CNDP2: variants seen among roughly 807,000 people sequenced by gnomAD.
CNDP2 encodes cytosolic non-specific dipeptidase.
In CNDP2, 38 loss-of-function variants were observed where a neutral mutation model predicts 55.0. The observed-to-expected ratio is 0.69, with a 90% CI of 0.53 to 0.90. CNDP2 has a LOEUF of 0.90. CNDP2 is among the 40% of genes least tolerant of loss of function. The probability of loss-of-function intolerance (pLI) is 0.00; values close to 1 mark genes in which losing one functional copy is unlikely to be tolerated. For missense variants in CNDP2, 607 were observed against 621.7 expected, an observed-to-expected ratio of 0.98 and a Z score of 0.25; for synonymous variants, 241 against 260.2, an observed-to-expected ratio of 0.93 and a Z score of 0.71.
At position 74,512,938 on chromosome 18, in the gene CNDP2, T is replaced by A. The variant is rs534259343; in HGVS notation, c.742+406T>A. 3.9e-5 allele frequency among the ~76,000 whole-genome samples: 6 copies of A among 152,302 alleles called. No homozygotes were observed. The South Asian group carries it at 1.0e-3, about 26-fold the overall frequency. The stretch of plus-strand genomic sequence containing the variant: ...ATCCAGGTCCCCCCGCCTGATCAGC[T>A]CTTTGAGAGCGGGCATAGCCCATCG... On this transcript the variant is annotated intron_variant, in intron 7 of 11. Coordinates refer to ENST00000324262, the MANE Select transcript of CNDP2 (RefSeq NM_018235.3).
chr18:74,515,949 G>C (rs1447763965), intron 8 of CNDP2, among the ~76,000 whole-genome samples: 1 of 152,178 alleles, frequency 6.6e-6, no homozygotes, highest in Non-Finnish European at 1.5e-5. Context: ...AGCGTGGCTC[G>C]CCTAGTTCTG....
chr18:74,508,734 C>G, intron 4 of CNDP2, 106 bp from the exon 5 acceptor site: 1 of 821,820 alleles, frequency 1.2e-6, no homozygotes, highest in Non-Finnish European at 2.1e-6. Flanking sequence ...GGGGAAGCCT[C>G]TCTCGTGTTT....
Position 74,517,363 on chromosome 18 carries a change from G to T in CNDP2, c.1068+971G>T, listed in dbSNP as rs548936094. ...GGTTTGGCTGGGCTGCTCTGAGAGA[G>T]CGGCTCAGCCCGCAGCTCATCTGCA... is the stretch of plus-strand genomic sequence containing the variant. On this transcript the variant is annotated intron_variant, in intron 9 of 11. Transcript: ENST00000324262. 1.1e-4 allele frequency: 16 copies of T among 152,316 alleles called. No individual in the cohort carries two copies. In the East Asian group the frequency reaches 3.1e-3, roughly 30 times the overall value. 9.4% of individuals were successfully genotyped at this position (152,316 alleles called of 1,614,324 possible). A position where few individuals can be genotyped will look rare whatever the true frequency, so the allele number is the denominator to read the frequency against.
rs764351246 is a variant in CNDP2, at chr18:74,516,282, G to A, written c.958G>A (p.Glu320Lys). 21 of 1,613,946 alleles carry A rather than the reference G, an allele frequency of 1.3e-5. 1 individual carries two copies. Among genetic ancestry groups the A allele is most frequent in the South Asian group, 1.1e-4 (10 of 91,078 alleles). Reference sequence around the variant, plus strand: ...CCCGTCTCTGTCCCTCCATGGCATCGAAGGCGCCTTCTCTGGGTCTGGGGC... The same window carrying A: ...CCCGTCTCTGTCCCTCCATGGCATCAAAGGCGCCTTCTCTGGGTCTGGGGC... ...RYPSLSLHGI[E>K]GAFSGSGAKT... The change falls in exon 9 of 12, where the codon GAA becomes AAA. Residue 320 changes from glutamate to lysine, a missense_variant. By Grantham distance (56) the Glu-to-Lys change is moderately conservative. Transcript: ENST00000324262.
Position 74,499,892 on chromosome 18 carries a change from A to T in CNDP2, c.-82A>T. On this transcript the variant is annotated 5_prime_UTR_variant, in exon 2 of 12. Coordinates refer to ENST00000324262, the MANE Select transcript of CNDP2 (RefSeq NM_018235.3). ...GTGCTTTCTGGGCAGGTCGCCCCTC[A>T]GTCTCCACTAGAGACAGGACTGACC... is the stretch of plus-strand genomic sequence containing the variant. 1 of 1,265,574 alleles carries T rather than the reference A, an allele frequency of 7.9e-7. No homozygotes were observed. Among genetic ancestry groups the T allele is most frequent in the Non-Finnish European group, 1.1e-6 (1 of 883,772 alleles). 78.4% of individuals were successfully genotyped at this position (1,265,574 alleles called of 1,614,324 possible).
At position 74,516,867 on chromosome 18, in the gene CNDP2, C is replaced by A. The variant is rs562295981; in HGVS notation, c.1068+475C>A. The A allele has an allele frequency of 1.1e-4, 17 of 157,908 alleles. No individual in the cohort carries two copies. The South Asian group carries it at 3.2e-3, about 30-fold the overall frequency. The allele number at this position is 157,908 out of a possible 1,614,324, so 9.8% of individuals were successfully genotyped here. On this transcript the variant is annotated intron_variant, in intron 9 of 11. Coordinates refer to ENST00000324262, the MANE Select transcript of CNDP2 (RefSeq NM_018235.3). ...CTGAGGTCTTGTCACGAGGAGGTGT[C>A]CCCGGGTCAGCGCCTGGCTCTATCC...
chr18:74,504,046 T>G (rs7234543), intron 3 of CNDP2, among the ~76,000 whole-genome samples: 726 of 29,118 alleles, frequency 0.025, no homozygotes, highest in Admixed American at 0.034. Context: ...GGACAAATGA[T>G]GGGCGTCAGG....
At chr18:74,516,465 T>G (rs749063565) in intron 9 of CNDP2, 73 bp downstream of exon 9, 37 of 1,424,858 alleles carry the variant, frequency 2.6e-5, no homozygotes, top group Non-Finnish European at 3.4e-5. Flanking sequence ...TAATATAGGC[T>G]GTTACTCGAC....
At position 74,518,942 on chromosome 18, in the gene CNDP2, C is replaced by CG. The variant is rs752518680; in HGVS notation, c.1211-7_1211-6insG. The CG allele has an allele frequency of 6.2e-7, 1 of 1,613,778 alleles. No homozygotes were observed. The highest frequency in any genetic ancestry group is 1.1e-5 in the South Asian group (1 of 91,038). ...CTCACCGTTTATTTTATTTCATTTC[C>CG]CCCCAGTTTTTGGTGTTGAGCCAGA... On this transcript the variant is annotated splice_region_variant and splice_polypyrimidine_tract_variant and intron_variant, in intron 10 of 11. Coordinates refer to ENST00000324262, the MANE Select transcript of CNDP2 (RefSeq NM_018235.3).
intron 5 of CNDP2, 138 bp downstream of exon 5, chr18:74,509,066 A>G (rs1432384453): frequency 6.2e-6 from 4 of 648,440 alleles, no homozygotes; most frequent in Non-Finnish European, 1.1e-5. Context: ...TTATCAGCAC[A>G]GATGACTCGG....
intron 3 of CNDP2, among the ~76,000 whole-genome samples, chr18:74,503,835 G>A (rs1051526781): frequency 1.3e-5 from 2 of 151,624 alleles, no homozygotes; most frequent in African/African-American, 2.4e-5. Context: ...AATGAGGGGC[G>A]TCAGGCCACA....
rs758528179 is a variant in CNDP2, at chr18:74,501,431, T to C, written c.163T>C (p.Leu55=). ...AGTTGCTGCTGCAGATGTTAAGCAG[T>C]TGGGGGGCTCTGTGGAACTGGTGGA... is the stretch of plus-strand genomic sequence containing the variant. ...MEVAAADVKQ[L]GGSVELVDIG... is the part of the protein sequence containing the mutation. The change falls in exon 3 of 12, where the codon TTG becomes CTG. Residue 55 remains leucine (L), a synonymous_variant. Coordinates refer to ENST00000324262, the MANE Select transcript of CNDP2 (RefSeq NM_018235.3). 8.7e-6 allele frequency: 14 copies of C among 1,613,820 alleles called. No homozygotes were observed. Among genetic ancestry groups the C allele is most frequent in the Non-Finnish European group, 1.1e-5 (13 of 1,179,948 alleles).
intron 1 of CNDP2, among the ~76,000 whole-genome samples, 190 bp downstream of exon 1, chr18:74,496,621 C>T (rs943157862): frequency 1.3e-5 from 2 of 152,130 alleles, no homozygotes; most frequent in Non-Finnish European, 2.9e-5. Flanking sequence ...GGCGGAGGCC[C>T]GTGACGGCCA....
chr18:74,511,707 CAA>C (rs35283725), intron 6 of CNDP2, among the ~76,000 whole-genome samples: 29 of 115,090 alleles, frequency 2.5e-4, no homozygotes, highest in Admixed American at 1.7e-4. Context: ...GACTCCACTT[CAA>C]AAAAAAAAAA....
In CNDP2 at chr18:74,501,421, T is replaced by C. The variant is rs1978691518; in HGVS notation, c.153T>C (p.Asp51=). 6.2e-7 allele frequency: 1 copy of C among 1,614,152 alleles called. No homozygotes were observed. Among genetic ancestry groups the C allele is most frequent in the Non-Finnish European group, 8.5e-7 (1 of 1,180,014 alleles). Residue 51 remains aspartate (D), a synonymous_variant, in exon 3 of 12, where the codon GAT becomes GAC. Coordinates refer to ENST00000324262, the MANE Select transcript of CNDP2 (RefSeq NM_018235.3). ...IRRMMEVAAA[D]VKQLGGSVEL... ...GGATGATGGAAGTTGCTGCTGCAGA[T>C]GTTAAGCAGTTGGGGGGCTCTGTGG... is the stretch of plus-strand genomic sequence containing the variant.
In CNDP2 at chr18:74,520,030, G is replaced by T; in HGVS notation, c.1390G>T (p.Ala464Ser). The change falls in exon 12 of 12, where the codon GCC becomes TCC. Residue 464 changes from alanine to serine, a missense_variant. Physicochemically the swap from Ala to Ser is moderately conservative, Grantham distance 99. Transcript: ENST00000324262. ...CTACATAGAGGGAACCAAGATGCTGGCCGCGTACCTGTATGAGGTCTCCCA... is the reference window on the plus strand; with the variant it reads ...CTACATAGAGGGAACCAAGATGCTGTCCGCGTACCTGTATGAGGTCTCCCA... ...YNYIEGTKML[A>S]AYLYEVSQLK... The T allele has an allele frequency of 6.2e-7, 1 of 1,614,106 alleles. No individual in the cohort carries two copies. Among genetic ancestry groups the T allele is most frequent in the Non-Finnish European group, 8.5e-7 (1 of 1,179,980 alleles).
intron 11 of CNDP2, 86 bp downstream of exon 11, chr18:74,519,182 A>C: frequency 6.7e-7 from 1 of 1,484,898 alleles, no homozygotes; most frequent in Non-Finnish European, 9.0e-7. Flanking sequence ...TGCAGCTGCC[A>C]AGAGAAGCAG....
At position 74,522,900 on chromosome 18, in the gene CNDP2, T is replaced by A. The variant is rs964092875; in HGVS notation, c.*2832T>A. On this transcript the variant is annotated 3_prime_UTR_variant, in exon 12 of 12. Coordinates refer to ENST00000324262, the MANE Select transcript of CNDP2 (RefSeq NM_018235.3). ...CCAGTCAGCTTCCCCTGGAAGCAAGTGTGAGGTCGTCGCCTCTGGAAGTGC... is the reference window on the plus strand; with the variant it reads ...CCAGTCAGCTTCCCCTGGAAGCAAGAGTGAGGTCGTCGCCTCTGGAAGTGC... The A allele has an allele frequency of 6.6e-6, 1 of 152,312 alleles. No homozygotes were observed. Among genetic ancestry groups the A allele is most frequent in the Non-Finnish European group, 1.5e-5 (1 of 68,082 alleles). 9.4% of individuals were successfully genotyped at this position (152,312 alleles called of 1,614,324 possible).
At chr18:74,502,540 C>T (rs1044048646) in intron 3 of CNDP2, among the ~76,000 whole-genome samples, 4 of 150,916 alleles carry the variant, frequency 2.7e-5, no homozygotes, top group African/African-American at 7.3e-5. Context: ...TAGTCTCAAG[C>T]GATTTACCTG....
Sources: allele counts gnomAD v4.1 joint callset (sites outside exome capture counted in the v4.1 genomes callset), GRCh38; gene constraint gnomAD v4.1.1; transcripts MANE v1.5; gene names NCBI Gene and HGNC (gene_info 2026-07-23, HGNC 2026-07-21).